The following WWOX variants were observed in gnomAD, a reference collection of about 807,000 sequenced individuals.
The protein encoded by WWOX is WW domain containing oxidoreductase, also known as WW domain-containing oxidoreductase.
Under a neutral mutation model 46.2 loss-of-function variants are expected in WWOX, and 69 were observed. The ratio of observed to expected loss-of-function variants is 1.49; its 90% CI spans 1.23 to 1.82. The LOEUF (loss-of-function observed/expected upper bound fraction) is 1.82, where lower values mean the gene tolerates loss of function less well. Ranked by LOEUF, WWOX falls within the 40% of genes most tolerant of loss-of-function variation. The probability of loss-of-function intolerance (pLI) is 0.00; values close to 1 mark genes in which losing one functional copy is unlikely to be tolerated. For synonymous variants in WWOX, 359 were observed against 202.6 expected, an observed-to-expected ratio of 1.77 and a Z score of -6.56; for missense variants, 919 against 542.6, an observed-to-expected ratio of 1.69 and a Z score of -6.89.
chr16:78,207,897 C>T (rs192232796), intron 5 of WWOX, among the ~76,000 whole-genome samples: 2 of 152,108 alleles, frequency 1.3e-5, no homozygotes. Context: ...ACTGCAGCAT[C>T]AACCTCCTGG....
At chr16:78,803,333 G>T (rs1463755240) in intron 8 of WWOX, among the ~76,000 whole-genome samples, 1 of 151,978 alleles carries the variant, frequency 6.6e-6, no homozygotes, top group African/African-American at 2.4e-5. Flanking sequence ...AAAGTCTATA[G>T]TCAAATTGCT....
At chr16:78,472,484 G>C (rs953712566) in intron 8 of WWOX, among the ~76,000 whole-genome samples, 32 of 152,112 alleles carry the variant, frequency 2.1e-4, no homozygotes, top group African/African-American at 7.7e-4. Context: ...TACTTGATTT[G>C]AAATATGTGC....
intron 8 of WWOX, among the ~76,000 whole-genome samples, chr16:79,113,034 C>G (rs1473768951): frequency 6.6e-6 from 1 of 152,184 alleles, no homozygotes. Flanking sequence ...GTGCCAGGTG[C>G]TGAAGAACAA....
intron 5 of WWOX, among the ~76,000 whole-genome samples, chr16:78,179,548 A>T (rs2035461139): frequency 6.6e-6 from 1 of 152,232 alleles, no homozygotes; most frequent in Non-Finnish European, 1.5e-5. Flanking sequence ...TGGATGGCTT[A>T]TTAAATTCTT....
chr16:78,832,303 C>G (rs566663319), intron 8 of WWOX, among the ~76,000 whole-genome samples: 16 of 152,190 alleles, frequency 1.1e-4, no homozygotes, highest in South Asian at 6.2e-4. Context: ...GTCATCTGGT[C>G]TCCCACAGAG....
At chr16:78,397,946 CAA>C (rs1056596948) in intron 6 of WWOX, among the ~76,000 whole-genome samples, 1 of 152,216 alleles carries the variant, frequency 6.6e-6, no homozygotes, top group African/African-American at 2.4e-5. Flanking sequence ...TCCAACCAAT[CAA>C]GAGGGTGCTG....
chr16:79,050,612 G>T (rs2048148498), intron 8 of WWOX, among the ~76,000 whole-genome samples: 1 of 152,174 alleles, frequency 6.6e-6, no homozygotes, highest in Non-Finnish European at 1.5e-5. Context: ...CCTGACCCAA[G>T]ACTGCACTTG....
At chr16:78,506,966 A>C (rs988456958) in intron 8 of WWOX, among the ~76,000 whole-genome samples, 3 of 152,146 alleles carry the variant, frequency 2.0e-5, no homozygotes, top group Admixed American at 6.5e-5. Flanking sequence ...CTCCCACCTC[A>C]GCTGCCCAGG....
intron 8 of WWOX, among the ~76,000 whole-genome samples, chr16:78,475,720 C>A (rs768370173): frequency 7.9e-5 from 12 of 152,114 alleles, no homozygotes; most frequent in Admixed American, 1.3e-4. Flanking sequence ...CTCAGCCTCC[C>A]CAGTAGCTGG....
intron 8 of WWOX, among the ~76,000 whole-genome samples, chr16:79,146,703 G>T (rs1343168872): frequency 1.3e-5 from 2 of 152,102 alleles, no homozygotes; most frequent in Non-Finnish European, 2.9e-5. Context: ...TTTATATTAT[G>T]GGAAGTTTTG....
chr16:78,648,742 TG>T (rs927278790), intron 8 of WWOX, among the ~76,000 whole-genome samples: 4 of 152,188 alleles, frequency 2.6e-5, no homozygotes, highest in African/African-American at 9.6e-5. Flanking sequence ...CTTTCTTTTT[TG>T]TTTAACCATA....
intron 8 of WWOX, among the ~76,000 whole-genome samples, chr16:78,956,530 G>A (rs921460405): frequency 1.1e-4 from 17 of 152,128 alleles, no homozygotes; most frequent in Admixed American, 2.0e-4. Flanking sequence ...TAGGTTCACA[G>A]TTGGTGATAT....
At chr16:78,691,890 G>T (rs1037070074) in intron 8 of WWOX, among the ~76,000 whole-genome samples, 1 of 152,314 alleles carries the variant, frequency 6.6e-6, no homozygotes, top group East Asian at 1.9e-4. Flanking sequence ...CCCAGGGGGA[G>T]GTAATTGAAT....
rs548135354 is a variant in WWOX, at chr16:78,698,812, A to G, written c.1056+266060A>G. On this transcript the variant is annotated intron_variant, in intron 8 of 8. Coordinates refer to ENST00000566780, the MANE Select transcript of WWOX (RefSeq NM_016373.4). ...GCTATGACTATACCTGTGACTAGCC[A>G]CTGCACTCCAGCTGGGCAACATGGT... Among the ~76,000 whole-genome samples the G allele has an allele frequency of 2.8e-3, 428 of 152,296 alleles. 1 individual carries two copies. Among genetic ancestry groups the G allele is most frequent in the Non-Finnish European group, 4.0e-3 (274 of 68,018 alleles).
intron 8 of WWOX, among the ~76,000 whole-genome samples, chr16:78,592,417 A>G (rs1408033528): frequency 6.6e-6 from 1 of 152,216 alleles, no homozygotes; most frequent in East Asian, 1.9e-4. Flanking sequence ...CAACCATAAG[A>G]ACATACACAA....
Position 78,485,189 on chromosome 16 carries a change from A to G in WWOX, c.1056+52437A>G, listed in dbSNP as rs555863263. Among the ~76,000 whole-genome samples, 3 of 152,310 alleles carry G rather than the reference A, an allele frequency of 2.0e-5. No individual in the cohort carries two copies. In the East Asian group the frequency reaches 5.8e-4, roughly 29 times the overall value. On this transcript the variant is annotated intron_variant, in intron 8 of 8. Coordinates refer to ENST00000566780, the MANE Select transcript of WWOX (RefSeq NM_016373.4). Reference sequence around the variant, plus strand: ...TTATTTTTACAGTAATTTTAAGTTCACAGCAAAACTGAGTGGGAAGTGTAG... The same window carrying G: ...TTATTTTTACAGTAATTTTAAGTTCGCAGCAAAACTGAGTGGGAAGTGTAG...
At chr16:79,196,045 A>T (rs1220239110) in intron 8 of WWOX, among the ~76,000 whole-genome samples, 1 of 152,214 alleles carries the variant, frequency 6.6e-6, no homozygotes, top group Admixed American at 6.5e-5. Flanking sequence ...CAATTTAATC[A>T]GTAGGAACCT....
chr16:78,555,558 A>T (rs2044273542), intron 8 of WWOX, among the ~76,000 whole-genome samples: 1 of 148,310 alleles, frequency 6.7e-6, no homozygotes, highest in Non-Finnish European at 1.5e-5. Context: ...GCAGGCCAGT[A>T]CCACATTCCC....
In WWOX at chr16:78,828,329, A is replaced by T. The variant is rs188578434; in HGVS notation, c.1057-383279A>T. ...CCAGGGGCCAGGCAAAAACTGGGGGATGCAGAATAGGAGGTTGGGCTGGAG... is the reference window on the plus strand; with the variant it reads ...CCAGGGGCCAGGCAAAAACTGGGGGTTGCAGAATAGGAGGTTGGGCTGGAG... On this transcript the variant is annotated intron_variant, in intron 8 of 8. Transcript: ENST00000566780. Among the ~76,000 whole-genome samples the T allele has an allele frequency of 2.6e-3, 402 of 152,234 alleles. 3 individuals are homozygous for T. Among genetic ancestry groups the T allele is most frequent in the African/African-American group, 9.4e-3 (389 of 41,538 alleles).
Sources: gnomAD v4.1 joint callset for allele counts (sites outside exome capture counted in the v4.1 genomes callset) on GRCh38, gnomAD v4.1.1 for gene constraint, MANE v1.5 for transcripts, NCBI Gene and HGNC (gene_info 2026-07-23, HGNC 2026-07-21) for gene names.